NTM: variants seen among roughly 807,000 people sequenced by gnomAD.
NTM encodes the protein IgLON family member 2.
A neutral mutation model predicts 42.1 loss-of-function variants in NTM; 13 were observed. That is an observed-to-expected ratio of 0.31 (90% CI 0.20 to 0.49). NTM has a LOEUF of 0.49. NTM is among the 20% of genes least tolerant of loss of function. The probability of loss-of-function intolerance (pLI) is 0.99; values close to 1 mark genes in which losing one functional copy is unlikely to be tolerated. For synonymous variants in NTM, 187 were observed against 179.2 expected (o/e 1.04, Z -0.35); for missense variants, 373 against 452.8 (o/e 0.82, Z 1.60).
At chr11:132,010,046 TAA>T (rs1487827597) in intron 2 of NTM, among the ~76,000 whole-genome samples, 1 of 152,210 alleles carries the variant, frequency 6.6e-6, no homozygotes, top group Non-Finnish European at 1.5e-5. Context: ...GACAATTTCT[TAA>T]GTCACTAGAT....
chr11:132,189,414 G>C (rs1428976490), intron 3 of NTM, among the ~76,000 whole-genome samples: 2 of 152,024 alleles, frequency 1.3e-5, no homozygotes, highest in Non-Finnish European at 2.9e-5. Flanking sequence ...TTAATTTATT[G>C]CCCAGTGACA....
At chr11:132,044,086 GTATGTGTGTATGTA>G (rs71067354) in intron 2 of NTM, among the ~76,000 whole-genome samples, 28 of 144,928 alleles carry the variant, frequency 1.9e-4, no homozygotes, top group Non-Finnish European at 3.6e-4. Flanking sequence ...GTGTTTGTGT[GTATGTGTGTATGTA>G]TATGTGTGTA....
At chr11:131,405,093 C>T (rs1021476683) in intron 1 of NTM, among the ~76,000 whole-genome samples, 4 of 152,164 alleles carry the variant, frequency 2.6e-5, no homozygotes, top group Non-Finnish European at 5.9e-5. Context: ...GAAAGGTTGT[C>T]TGTTACGCTT....
At chr11:132,087,261 G>A (rs749587272) in intron 2 of NTM, among the ~76,000 whole-genome samples, 61 of 152,046 alleles carry the variant, frequency 4.0e-4, no homozygotes, top group Non-Finnish European at 7.6e-4. Flanking sequence ...TTTTGCCCAC[G>A]TACTGCCTTT....
At chr11:131,664,946 C>T (rs1054896658) in intron 1 of NTM, among the ~76,000 whole-genome samples, 1 of 152,100 alleles carries the variant, frequency 6.6e-6, no homozygotes, top group Non-Finnish European at 1.5e-5. Context: ...CTTTGAACTC[C>T]TGGAGCCCAT....
At chr11:132,281,872 A>G (rs544792278) in intron 4 of NTM, among the ~76,000 whole-genome samples, 2 of 152,358 alleles carry the variant, frequency 1.3e-5, no homozygotes, top group Admixed American at 1.3e-4. Flanking sequence ...GAATGCTTTC[A>G]ATCTCAAAAA....
chr11:131,930,041 C>T (rs1019585181), intron 2 of NTM, among the ~76,000 whole-genome samples: 3 of 152,124 alleles, frequency 2.0e-5, no homozygotes, highest in African/African-American at 7.2e-5. Flanking sequence ...TTGCCTTGCT[C>T]GGTGTTGGGG....
At chr11:131,716,108 G>A (rs1396015654) in intron 1 of NTM, among the ~76,000 whole-genome samples, 3 of 152,132 alleles carry the variant, frequency 2.0e-5, no homozygotes, top group South Asian at 2.1e-4. Context: ...ATTCACTTAC[G>A]GTGAGGACCC....
intron 1 of NTM, among the ~76,000 whole-genome samples, chr11:131,466,355 A>G (rs944834413): frequency 7.3e-5 from 11 of 151,406 alleles, no homozygotes; most frequent in African/African-American, 2.5e-4. Context: ...CCTTACCACA[A>G]TCTTATTACA....
chr11:132,284,305 A>C (rs1392360990), intron 4 of NTM: 1 of 152,262 alleles, frequency 6.6e-6, no homozygotes, highest in Non-Finnish European at 1.5e-5. Context: ...GTCTGAGCTA[A>C]AACAGTCGGC....
At chr11:131,930,243 C>T (rs2058445210) in intron 2 of NTM, among the ~76,000 whole-genome samples, 1 of 152,184 alleles carries the variant, frequency 6.6e-6, no homozygotes, top group Non-Finnish European at 1.5e-5. Context: ...GCCTTCCCTT[C>T]TAGACAGTGG....
chr11:131,452,023 C>A (rs1344415550), intron 1 of NTM, among the ~76,000 whole-genome samples: 1 of 152,216 alleles, frequency 6.6e-6, no homozygotes, highest in Non-Finnish European at 1.5e-5. Flanking sequence ...GCTGCCGCCC[C>A]CTTCCCTGCA....
intron 1 of NTM, among the ~76,000 whole-genome samples, chr11:131,665,822 C>T (rs886918676): frequency 2.6e-5 from 4 of 152,204 alleles, no homozygotes; most frequent in African/African-American, 7.2e-5. Flanking sequence ...CCCACCCCAC[C>T]GTATTTTGCC....
intron 1 of NTM, among the ~76,000 whole-genome samples, chr11:131,671,746 G>A (rs1254800190): frequency 5.3e-5 from 8 of 152,200 alleles, no homozygotes; most frequent in Non-Finnish European, 1.0e-4. Context: ...TCAAAGAAGT[G>A]GCATCGAAAG....
Position 131,971,853 on chromosome 11 carries a change from G to T in NTM, c.167+60205G>T, listed in dbSNP as rs188323796. ...AGGTCAGGAGATCAAGACCATCCTC[G>T]CTAACATGGTGAAACCCCGTCTCTA... On this transcript the variant is annotated intron_variant, in intron 2 of 8. Transcript: ENST00000683400. Among the ~76,000 whole-genome samples the T allele has an allele frequency of 3.3e-5, 5 of 151,610 alleles. No individual in the cohort carries two copies. In the East Asian group the frequency reaches 9.8e-4, roughly 30 times the overall value.
At chr11:131,516,293 G>A (rs2048879924) in intron 1 of NTM, among the ~76,000 whole-genome samples, 1 of 152,098 alleles carries the variant, frequency 6.6e-6, no homozygotes, top group South Asian at 2.1e-4. Context: ...TTAATTCAGG[G>A]GCGTGTAGTA....
chr11:131,828,646 C>A (rs1334200686), intron 1 of NTM, among the ~76,000 whole-genome samples: 5 of 152,068 alleles, frequency 3.3e-5, no homozygotes, highest in Non-Finnish European at 7.4e-5. Flanking sequence ...TCACTACCAC[C>A]ACCACTGTTA....
intron 1 of NTM, among the ~76,000 whole-genome samples, chr11:131,870,930 T>G (rs1592407636): frequency 1.3e-5 from 2 of 152,308 alleles, no homozygotes; most frequent in Middle Eastern, 6.8e-3. Flanking sequence ...ATAGTAGGTG[T>G]AGCAGAAAGA....
intron 2 of NTM, among the ~76,000 whole-genome samples, chr11:132,019,987 ACTC>A (rs949774709): frequency 6.0e-5 from 9 of 150,308 alleles, no homozygotes; most frequent in African/African-American, 2.0e-4. Flanking sequence ...TCAATCCTGT[ACTC>A]CTCCCCTCCT....
Sources: allele counts gnomAD v4.1 joint callset (sites outside exome capture counted in the v4.1 genomes callset), GRCh38; gene constraint gnomAD v4.1.1; transcripts MANE v1.5; gene names NCBI Gene and HGNC (gene_info 2026-07-23, HGNC 2026-07-21).